Variants in PHACTR2 observed in about 807,000 individuals in gnomAD.
The protein encoded by PHACTR2 is phosphatase and actin regulator 2, also known as chromosome 6 open reading frame 56.
PHACTR2 carries 30 observed loss-of-function variants against 76.0 expected under a neutral mutation model. The observed-to-expected ratio is 0.39, with a 90% CI of 0.30 to 0.54. The LOEUF (loss-of-function observed/expected upper bound fraction) is 0.54. Among genes scored for constraint, PHACTR2 ranks in the 20% least tolerant of loss-of-function variants. PHACTR2 has a pLI of 0.61. For synonymous variants in PHACTR2, 292 were observed against 292.5 expected (o/e 1.00, Z 0.02); for missense variants, 696 against 781.1 (o/e 0.89, Z 1.30).
In PHACTR2 at chr6:143,739,719, G is replaced by A. The variant is rs571019250; in HGVS notation, c.215-9266G>A. Among the ~76,000 whole-genome samples the A allele has an allele frequency of 6.6e-6, 1 of 152,266 alleles. No individual in the cohort carries two copies. The highest frequency in any genetic ancestry group is 2.1e-4 in the South Asian group (1 of 4,834). ...TACTTCCTGGCCCTTCTGGGATTGA[G>A]GACTTGCTCATTGTTTGAATCTTGG... On this transcript the variant is annotated intron_variant, in intron 2 of 12. Coordinates refer to ENST00000440869, the MANE Select transcript of PHACTR2 (RefSeq NM_001100164.2). The surrounding 1 kb of genome is among the most constrained non-coding windows in gnomAD (Gnocchi z 4.3).
intron 2 of PHACTR2, among the ~76,000 whole-genome samples, chr6:143,713,079 T>C (rs1001944651): frequency 1.3e-5 from 2 of 152,180 alleles, no homozygotes; most frequent in African/African-American, 4.8e-5. Context: ...ATATTGTTAG[T>C]GGATGTACAG....
At position 143,811,776 on chromosome 6, in the gene PHACTR2, T is replaced by G. The variant is rs145332851; in HGVS notation, c.1922+4643T>G. Among the ~76,000 whole-genome samples the G allele has an allele frequency of 6.5e-3, 983 of 152,314 alleles. 13 individuals are homozygous for G. Among genetic ancestry groups the G allele is most frequent in the African/African-American group, 0.022 (935 of 41,580 alleles). On this transcript the variant is annotated intron_variant, in intron 12 of 12. Transcript: ENST00000440869. The surrounding 1 kb of genome is among the most constrained non-coding windows in gnomAD (Gnocchi z 4.1). ...TAATGCTTATGATTTTCAAGCTGTT[T>G]TCAGTAATTCTTTTAAGGGGAAAAA...
At chr6:143,573,656 G>A (rs942559426) in intron 1 of PHACTR2, among the ~76,000 whole-genome samples, 1 of 150,236 alleles carries the variant, frequency 6.7e-6, no homozygotes, top group Admixed American at 6.7e-5. Context: ...ATCTTTTTCT[G>A]TGCATTCTAT....
rs554995460 is a variant in PHACTR2 at position 143,761,524 on chromosome 6, C to A, written c.694+884C>A. ...ATCCCAGCACTTTGGGAGGCTGATG[C>A]GGATCGATCACTTGAGGTCAGGAGT... On this transcript the variant is annotated intron_variant, in intron 5 of 12. Transcript: ENST00000440869. This position sits in a 1 kb window ranked among gnomAD's most constrained non-coding sequence, Gnocchi z 5.2. Among the ~76,000 whole-genome samples the A allele has an allele frequency of 3.3e-5, 5 of 152,108 alleles. No homozygotes were observed. Among genetic ancestry groups the A allele is most frequent in the Non-Finnish European group, 7.4e-5 (5 of 68,018 alleles).
In PHACTR2 at chr6:143,794,528, T is replaced by C. The variant is rs543288549; in HGVS notation, c.1845+5618T>C. On this transcript the variant is annotated intron_variant, in intron 11 of 12. Transcript: ENST00000440869. The surrounding 1 kb of genome is among the most constrained non-coding windows in gnomAD (Gnocchi z 4.1). ...AAACAATGAGGCCAGGTGCAGTGGC[T>C]CATGCCTGTAATCCAAGTGCTTTGA... Among the ~76,000 whole-genome samples the C allele has an allele frequency of 1.5e-4, 23 of 152,308 alleles. No individual in the cohort carries two copies. In the East Asian group the frequency reaches 4.4e-3, roughly 29 times the overall value.
At chr6:143,615,139 A>C (rs1215249879) in intron 1 of PHACTR2, among the ~76,000 whole-genome samples, 1 of 152,194 alleles carries the variant, frequency 6.6e-6, no homozygotes, top group Admixed American at 6.5e-5. Flanking sequence ...CTGTAAGTAA[A>C]TATTATCTCC....
chr6:143,790,451 C>G (rs771414393), intron 11 of PHACTR2, among the ~76,000 whole-genome samples: 14 of 152,018 alleles, frequency 9.2e-5, no homozygotes, highest in Non-Finnish European at 1.6e-4. Flanking sequence ...AGGGAGAGCA[C>G]AGGCTGAGGA....
At chr6:143,669,159 A>G (rs1174277386) in intron 1 of PHACTR2, among the ~76,000 whole-genome samples, 4 of 152,230 alleles carry the variant, frequency 2.6e-5, no homozygotes, top group Non-Finnish European at 4.4e-5. Flanking sequence ...CAGGTTGTTC[A>G]GTTTCCATGT....
At chr6:143,555,198 A>G (rs914805637) in intron 1 of PHACTR2, 1 of 152,070 alleles carries the variant, frequency 6.6e-6, no homozygotes, top group African/African-American at 2.4e-5. Flanking sequence ...TTGTCTGCAC[A>G]TTTACGTCGA....
chr6:143,731,896 T>C lies in PHACTR2; in HGVS notation c.215-17089T>C, dbSNP rs951057443. Among the ~76,000 whole-genome samples, 1 of 152,230 alleles carries C rather than the reference T, an allele frequency of 6.6e-6. No homozygotes were observed. Among genetic ancestry groups the C allele is most frequent in the African/African-American group, 2.4e-5 (1 of 41,462 alleles). The stretch of plus-strand genomic sequence containing the variant: ...TAAATAGCATATTCAATTTCTTTTA[T>C]AGTTATAGGACCATTCAGGTGATCT... On this transcript the variant is annotated intron_variant, in intron 2 of 12. Coordinates refer to ENST00000440869, the MANE Select transcript of PHACTR2 (RefSeq NM_001100164.2). The surrounding 1 kb of genome is among the most constrained non-coding windows in gnomAD (Gnocchi z 4.9).
At chr6:143,670,172 C>T (rs560967410) in intron 1 of PHACTR2, among the ~76,000 whole-genome samples, 1 of 152,294 alleles carries the variant, frequency 6.6e-6, no homozygotes, top group African/African-American at 2.4e-5. Context: ...ATATTGGCCC[C>T]CACTGTCCTC....
chr6:143,582,345 A>AG (rs1408026989), intron 1 of PHACTR2, among the ~76,000 whole-genome samples: 1 of 152,202 alleles, frequency 6.6e-6, no homozygotes, highest in Admixed American at 6.5e-5. Context: ...AAGGAAAATA[A>AG]GATAGTAGAA....
At chr6:143,788,993 C>T (rs1775618278) in intron 11 of PHACTR2, 83 bp downstream of exon 11, 1 of 1,275,460 alleles carries the variant, frequency 7.8e-7, no homozygotes, top group African/African-American at 1.5e-5. Flanking sequence ...TTAAGTCATC[C>T]CAGGGGACGA....
intron 1 of PHACTR2, among the ~76,000 whole-genome samples, chr6:143,579,313 T>G (rs1298478331): frequency 6.6e-6 from 1 of 152,166 alleles, no homozygotes; most frequent in Non-Finnish European, 1.5e-5. Flanking sequence ...ATACTATTTT[T>G]ATTGTCAAAA....
chr6:143,778,700 A>G (rs1775344799), intron 9 of PHACTR2, among the ~76,000 whole-genome samples: 1 of 152,130 alleles, frequency 6.6e-6, no homozygotes, highest in Admixed American at 6.5e-5. Flanking sequence ...ATGCTTGTTG[A>G]ATTAAGTTTT....
At chr6:143,715,843 A>G (rs958586506) in intron 2 of PHACTR2, among the ~76,000 whole-genome samples, 4 of 152,202 alleles carry the variant, frequency 2.6e-5, no homozygotes, top group African/African-American at 9.7e-5. Context: ...TCTACATTCT[A>G]TCAGTTCCTA....
At position 143,784,682 on chromosome 6, in the gene PHACTR2, G is replaced by C. The variant is rs1341756320; in HGVS notation, c.1707+1402G>C. ...ACACTGCTGATAAAGACACACCTGA[G>C]ACTGGGAAGAAAAAGAGATTTAATT... On this transcript the variant is annotated intron_variant, in intron 10 of 12. Coordinates refer to ENST00000440869, the MANE Select transcript of PHACTR2 (RefSeq NM_001100164.2). The surrounding 1 kb of genome is among the most constrained non-coding windows in gnomAD (Gnocchi z 4.5). Among the ~76,000 whole-genome samples, 1 of 152,154 alleles carries C rather than the reference G, an allele frequency of 6.6e-6. No homozygotes were observed. Among genetic ancestry groups the C allele is most frequent in the Non-Finnish European group, 1.5e-5 (1 of 68,034 alleles).
chr6:143,615,768 CT>C (rs1245165595), intron 1 of PHACTR2, among the ~76,000 whole-genome samples: 1 of 152,110 alleles, frequency 6.6e-6, no homozygotes, highest in South Asian at 2.1e-4. Context: ...AAGAATTTTA[CT>C]TTTTCTCTCT....
chr6:143,760,542 A>G lies in PHACTR2; in HGVS notation c.596A>G (p.Asp199Gly). The change falls in exon 5 of 13, where the codon GAT becomes GGT. Residue 199 changes from aspartate (D) to glycine (G), a missense_variant. By Grantham distance (94) the Asp-to-Gly change is moderately conservative. Around this residue, in one of 2 missense-constraint regions of PHACTR2, gnomAD observed 460 missense variants for 450.9 expected, o/e 1.02. Coordinates refer to ENST00000440869, the MANE Select transcript of PHACTR2 (RefSeq NM_001100164.2). The surrounding 1 kb of genome is among the most constrained non-coding windows in gnomAD (Gnocchi z 6.4). ...GATAGASHKG[D>G]EVPPIKKNTK... ...ACTGCTGGGGCCAGCCACAAAGGTGATGAAGTGCCTCCCATTAAAAAAAAT... is the reference window on the plus strand; with the variant it reads ...ACTGCTGGGGCCAGCCACAAAGGTGGTGAAGTGCCTCCCATTAAAAAAAAT... 1.2e-6 allele frequency: 2 copies of G among 1,613,894 alleles called. No individual in the cohort carries two copies. Among genetic ancestry groups the G allele is most frequent in the South Asian group, 2.2e-5 (2 of 91,076 alleles).
Sources: gnomAD v4.1 joint callset for allele counts (sites outside exome capture counted in the v4.1 genomes callset) on GRCh38, gnomAD v4.1.1 for gene constraint, gnomAD v4.1.1 regional missense constraint, Gnocchi (gnomAD v3.1) non-coding constraint, MANE v1.5 for transcripts, NCBI Gene and HGNC (gene_info 2026-07-23, HGNC 2026-07-21) for gene names.